Variants in CACNA1C observed in about 807,000 individuals in gnomAD.
CACNA1C encodes calcium voltage-gated channel subunit alpha1 C, also known as voltage-dependent L-type calcium channel subunit alpha-1C.
In CACNA1C, 30 loss-of-function variants were observed where a neutral mutation model predicts 229.0. The ratio of observed to expected loss-of-function variants is 0.13; its 90% CI spans 0.10 to 0.18. CACNA1C has a LOEUF of 0.18. Among genes scored for constraint, CACNA1C ranks in the 10% least tolerant of loss-of-function variants. The pLI, the probability that CACNA1C is intolerant of heterozygous loss-of-function variation, is 1.00. For missense variants in CACNA1C, 1,658 were observed against 2,845.0 expected (o/e 0.58, Z 9.49); for synonymous variants, 1,114 against 1,132.5 (o/e 0.98, Z 0.33).
chr12:2,388,699 G>A lies in CACNA1C; in HGVS notation c.478-60277G>A, dbSNP rs527929968. On this transcript the variant is annotated intron_variant, in intron 3 of 46. Coordinates refer to ENST00000399655, the MANE Select transcript of CACNA1C (RefSeq NM_000719.7). ...ATGTCTAAGTGCAGTTGATCAGTTC[G>A]TGGTTCATCTTTGGGTTTGTGGAGT... Among the ~76,000 whole-genome samples the A allele has an allele frequency of 4.0e-5, 6 of 151,498 alleles. No individual in the cohort carries two copies. The East Asian group carries it at 5.9e-4, about 15-fold the overall frequency.
At chr12:2,648,312 G>A (rs944073183) in intron 30 of CACNA1C, among the ~76,000 whole-genome samples, 163 bp from the exon 31 acceptor site, 3 of 152,194 alleles carry the variant, frequency 2.0e-5, no homozygotes, top group African/African-American at 7.2e-5. Context: ...CACTCATGGG[G>A]ACGCCCCAGG....
intron 15 of CACNA1C, among the ~76,000 whole-genome samples, chr12:2,584,185 C>A (rs1348416433): frequency 6.6e-6 from 1 of 152,198 alleles, no homozygotes; most frequent in Non-Finnish European, 1.5e-5. Flanking sequence ...TCAATTACAG[C>A]CAGTCATCTC....
At position 2,058,203 on chromosome 12, in the gene CACNA1C, G is replaced by A. The variant is rs547172595; in HGVS notation, c.49+4592G>A. On this transcript the variant is annotated intron_variant, in intron 1 of 46. Coordinates refer to ENST00000399655, the MANE Select transcript of CACNA1C (RefSeq NM_000719.7). ...GCACTGTGCTAAGAAGGGGTGAGTGGCTGGCAGCACTTTCTTCCTTTTACA... is the reference window on the plus strand; with the variant it reads ...GCACTGTGCTAAGAAGGGGTGAGTGACTGGCAGCACTTTCTTCCTTTTACA... Among the ~76,000 whole-genome samples, 3 of 152,294 alleles carry A rather than the reference G, an allele frequency of 2.0e-5. No individual in the cohort carries two copies. In the East Asian group the frequency reaches 5.8e-4, roughly 29 times the overall value.
chr12:2,244,082 TC>T (rs2071868807), intron 3 of CACNA1C, among the ~76,000 whole-genome samples: 1 of 152,180 alleles, frequency 6.6e-6, no homozygotes, highest in African/African-American at 2.4e-5. Context: ...TCTGGAGAGC[TC>T]CCTTAAGCAT....
At position 2,504,346 on chromosome 12, in the gene CACNA1C, T is replaced by G; in HGVS notation, c.1114-496T>G. 1 of 749,250 alleles carries G rather than the reference T, an allele frequency of 1.3e-6. No individual in the cohort carries two copies. Among genetic ancestry groups the G allele is most frequent in the East Asian group, 2.5e-5 (1 of 40,670 alleles). 46.4% of individuals were successfully genotyped at this position (749,250 alleles called of 1,614,324 possible). ...CAAAGCCCACGTTCAGCCCCGTCTG[T>G]CCCCTCCCAATCTGCTCACACCTGC... is the stretch of plus-strand genomic sequence containing the variant. On this transcript the variant is annotated intron_variant, in intron 7 of 46. Transcript: ENST00000399655. This position sits in a 1 kb window ranked among gnomAD's most constrained non-coding sequence, Gnocchi z 6.8.
intron 3 of CACNA1C, among the ~76,000 whole-genome samples, chr12:2,189,686 C>G (rs564699972): frequency 6.6e-6 from 1 of 152,216 alleles, no homozygotes; most frequent in African/African-American, 2.4e-5. Context: ...TGGCCATCTT[C>G]CGCCATTGTG....
chr12:2,023,258 G>A (rs970880016), intron 1 of CACNA1C, among the ~76,000 whole-genome samples: 1 of 152,168 alleles, frequency 6.6e-6, no homozygotes, highest in African/African-American at 2.4e-5. Context: ...GTGGCTTCTG[G>A]TCTTACTGCC....
chr12:1,983,234 T>C (rs201025301), intron 1 of CACNA1C, among the ~76,000 whole-genome samples: 7 of 150,756 alleles, frequency 4.6e-5, no homozygotes, highest in African/African-American at 1.7e-4. Flanking sequence ...AGTTTTTTTG[T>C]TTTTTATCTC....
chr12:2,036,961 C>T (rs993304985), intron 1 of CACNA1C, among the ~76,000 whole-genome samples: 2 of 152,192 alleles, frequency 1.3e-5, no homozygotes, highest in East Asian at 3.8e-4. Flanking sequence ...AGGCTCCACA[C>T]CAGCGGCAAG....
chr12:2,051,222 G>C (rs1229834356), upstream of CACNA1C, among the ~76,000 whole-genome samples: 1 of 152,160 alleles, frequency 6.6e-6, no homozygotes, highest in Non-Finnish European at 1.5e-5. Context: ...CAGGCAGTGG[G>C]AATAGCTAGA....
At chr12:2,466,107 G>A (rs371753004) in intron 5 of CACNA1C, among the ~76,000 whole-genome samples, 2 of 152,250 alleles carry the variant, frequency 1.3e-5, no homozygotes, top group South Asian at 4.2e-4. Context: ...ATTAGTCACC[G>A]TGAAACTGGC....
Position 2,085,377 on chromosome 12 carries a change from A to T in CACNA1C, c.50-29847A>T, listed in dbSNP as rs534451253. 3.4e-4 allele frequency among the ~76,000 whole-genome samples: 52 copies of T among 152,184 alleles called. No homozygotes were observed. The South Asian group carries it at 0.011, about 31-fold the overall frequency. On this transcript the variant is annotated intron_variant, in intron 1 of 46. Transcript: ENST00000399655. Reference sequence around the variant, plus strand: ...GATATCTGTCTCTTTTACATTTTTAATTTTTTAATTGAATAGCTGCAGAAT... The same window carrying T: ...GATATCTGTCTCTTTTACATTTTTATTTTTTTAATTGAATAGCTGCAGAAT...
intron 4 of CACNA1C, among the ~76,000 whole-genome samples, chr12:2,454,158 C>T (rs993799805): frequency 1.3e-5 from 2 of 152,178 alleles, no homozygotes; most frequent in African/African-American, 4.8e-5. Context: ...CTTTGAGTCA[C>T]CCCTCCTTGT....
At chr12:2,573,962 G>T (rs2057386843) in intron 13 of CACNA1C, among the ~76,000 whole-genome samples, 1 of 152,040 alleles carries the variant, frequency 6.6e-6, no homozygotes, top group African/African-American at 2.4e-5. Context: ...TTTGTGTTTT[G>T]TCAAAATCTG....
At chr12:2,372,788 C>T (rs940797612) in intron 3 of CACNA1C, among the ~76,000 whole-genome samples, 1 of 152,238 alleles carries the variant, frequency 6.6e-6, no homozygotes, top group African/African-American at 2.4e-5. Context: ...GTCCATCTGG[C>T]CTGGCTGGCT....
At chr12:2,466,434 C>T (rs1185294653) in intron 5 of CACNA1C, among the ~76,000 whole-genome samples, 1 of 152,352 alleles carries the variant, frequency 6.6e-6, no homozygotes, top group East Asian at 1.9e-4. Flanking sequence ...GATAAGAGAA[C>T]ATCTTTCTGG....
rs58107683 is a variant in CACNA1C, at chr12:2,328,940, G to A, written c.478-120036G>A. ...CTGGGACCAAGTGGAATTTGTCTGTGTAATAATCAGGTGAAATTGAGTACT... is the reference window on the plus strand; with the variant it reads ...CTGGGACCAAGTGGAATTTGTCTGTATAATAATCAGGTGAAATTGAGTACT... On this transcript the variant is annotated intron_variant, in intron 3 of 46. Coordinates refer to ENST00000399655, the MANE Select transcript of CACNA1C (RefSeq NM_000719.7). 1.8e-3 allele frequency among the ~76,000 whole-genome samples: 277 copies of A among 152,334 alleles called. 1 individual carries two copies. The highest frequency in any genetic ancestry group is 6.4e-3 in the African/African-American group (268 of 41,570).
intron 9 of CACNA1C, among the ~76,000 whole-genome samples, chr12:2,515,423 G>C (rs921260103): frequency 4.6e-5 from 7 of 152,230 alleles, no homozygotes; most frequent in Non-Finnish European, 7.3e-5. Context: ...ATTGCTCTTT[G>C]AAACAAATAC....
Position 2,601,957 on chromosome 12 carries a change from TC to T in CACNA1C, c.2959del (p.Gln987SerfsTer8). On this transcript the variant is annotated frameshift_variant and splice_region_variant, in exon 22 of 47. Coordinates refer to ENST00000399655, the MANE Select transcript of CACNA1C (RefSeq NM_000719.7). LOFTEE classifies it high-confidence loss of function. The surrounding 1 kb of genome is among the most constrained non-coding windows in gnomAD (Gnocchi z 5.9). ...VVSVSLISFGIQSSAINVVKI... is the reference protein window; with the variant it reads ...VVSVSLISFGXQSSAINVVKI... ...AGCGTGTCCCTCATCTCCTTTGGCA[TC>T]CAGTGAGTGGGAGCCCCTCAGCCCA... 2 of 1,600,566 alleles carry T rather than the reference TC, an allele frequency of 1.2e-6. No homozygotes were observed. Among genetic ancestry groups the T allele is most frequent in the Non-Finnish European group, 1.7e-6 (2 of 1,167,646 alleles).
Sources: gnomAD v4.1 joint callset for allele counts (sites outside exome capture counted in the v4.1 genomes callset) on GRCh38, gnomAD v4.1.1 for gene constraint, Gnocchi (gnomAD v3.1) non-coding constraint, MANE v1.5 for transcripts, NCBI Gene and HGNC (gene_info 2026-07-23, HGNC 2026-07-21) for gene names.